Variants in SGF29 observed in about 807,000 individuals in gnomAD.
SGF29 encodes SAGA-associated factor 29.
A neutral mutation model predicts 38.1 loss-of-function variants in SGF29; 15 were observed. The ratio of observed to expected loss-of-function variants is 0.39; its 90% CI spans 0.26 to 0.61. SGF29 has a LOEUF of 0.61. SGF29 is among the 20% of genes least tolerant of loss of function. SGF29 has a pLI of 0.49. For synonymous variants in SGF29, 151 were observed against 160.8 expected (o/e 0.94, Z 0.46); for missense variants, 184 against 394.6 (o/e 0.47, Z 4.52).
chr16:28,575,976 C>T (rs753987245), intron 1 of SGF29, among the ~76,000 whole-genome samples: 15 of 152,130 alleles, frequency 9.9e-5, no homozygotes, highest in Non-Finnish European at 1.9e-4. Flanking sequence ...GTGACCCTGC[C>T]TCTGCCAAAA....
rs761721613 is a variant in SGF29, at chr16:28,590,729, AT to A, written c.603-43del. 2 of 1,614,066 alleles carry A rather than the reference AT, an allele frequency of 1.2e-6. No individual in the cohort carries two copies. The highest frequency in any genetic ancestry group is 2.2e-5 in the South Asian group (2 of 91,076). On this transcript the variant is annotated intron_variant, in intron 8 of 9. Coordinates refer to ENST00000317058, the MANE Select transcript of SGF29 (RefSeq NM_138414.3). The surrounding 1 kb of genome is among the most constrained non-coding windows in gnomAD (Gnocchi z 8.2). ...GGCAGCCTAACAGCTGAGAAGGAGC[AT>A]CCCCACCCGGCCACAGGTTGATATA...
At chr16:28,577,092 C>T (rs2046898797) in intron 1 of SGF29, among the ~76,000 whole-genome samples, 1 of 151,878 alleles carries the variant, frequency 6.6e-6, no homozygotes, top group South Asian at 2.1e-4. Flanking sequence ...CACTTGAACC[C>T]GGGAGGCGGA....
chr16:28,591,087 A>G, intron 9 of SGF29, 152 bp downstream of exon 9: 1 of 1,037,556 alleles, frequency 9.6e-7, no homozygotes, highest in Non-Finnish European at 1.4e-6. Flanking sequence ...CTTCCACTCC[A>G]GCCCCAAAGG....
chr16:28,587,864 A>G (rs1011073287), intron 4 of SGF29, among the ~76,000 whole-genome samples: 2 of 152,128 alleles, frequency 1.3e-5, no homozygotes, highest in African/African-American at 2.4e-5. Flanking sequence ...CAGTGACACA[A>G]TCTCGGCTCA....
intron 5 of SGF29, 84 bp downstream of exon 5, chr16:28,589,248 G>T: frequency 1.4e-6 from 2 of 1,435,512 alleles, no homozygotes; most frequent in Non-Finnish European, 2.0e-6. Context: ...TCCTGTGGGG[G>T]CCTGTGGCCA....
chr16:28,584,411 T>C (rs1283282007), intron 2 of SGF29, among the ~76,000 whole-genome samples: 1 of 151,940 alleles, frequency 6.6e-6, no homozygotes, highest in Non-Finnish European at 1.5e-5. Flanking sequence ...TTCCAGCACT[T>C]TGGGAAACCG....
chr16:28,561,546 C>CA (rs930168265), intron 1 of SGF29, among the ~76,000 whole-genome samples: 1 of 151,812 alleles, frequency 6.6e-6, no homozygotes, highest in East Asian at 1.9e-4. Context: ...AAACAAAAAA[C>CA]AAAAAAACAC....
intron 1 of SGF29, among the ~76,000 whole-genome samples, chr16:28,568,440 G>C (rs940356994): frequency 1.3e-5 from 2 of 151,998 alleles, no homozygotes; most frequent in Admixed American, 6.6e-5. Flanking sequence ...GAAAATGCCA[G>C]TGTATGACAT....
intron 1 of SGF29, among the ~76,000 whole-genome samples, chr16:28,560,322 G>A (rs1567284395): frequency 6.6e-6 from 1 of 151,496 alleles, no homozygotes; most frequent in Non-Finnish European, 1.5e-5. Context: ...CCGGCACAGT[G>A]GCTCACGCCT....
At chr16:28,579,931 CAAA>C (rs879412873) in intron 1 of SGF29, among the ~76,000 whole-genome samples, 1 of 137,508 alleles carries the variant, frequency 7.3e-6, no homozygotes, top group Non-Finnish European at 1.6e-5. Flanking sequence ...ACTCCCGTCT[CAAA>C]AAAAAAAAAA....
At chr16:28,580,750 G>A (rs111498956) in intron 1 of SGF29, among the ~76,000 whole-genome samples, 1 of 152,138 alleles carries the variant, frequency 6.6e-6, no homozygotes, top group African/African-American at 2.4e-5. Context: ...TGGCACGATC[G>A]TAGCTCATGC....
At chr16:28,578,990 T>G (rs988478000) in intron 1 of SGF29, among the ~76,000 whole-genome samples, 1 of 152,060 alleles carries the variant, frequency 6.6e-6, no homozygotes, top group Non-Finnish European at 1.5e-5. Context: ...TCTTGCTGTA[T>G]TGTCCAGGCT....
At position 28,573,491 on chromosome 16, in the gene SGF29, C is replaced by A. The variant is rs531958551; in HGVS notation, c.-15-7564C>A. Among the ~76,000 whole-genome samples the A allele has an allele frequency of 3.3e-5, 5 of 152,194 alleles. No homozygotes were observed. The South Asian group carries it at 1.0e-3, about 32-fold the overall frequency. ...ACAAGGAAGCAGCACCGGATCCCTG[C>A]ACAATTTAGGGAAGAAGTTTTGCCG... On this transcript the variant is annotated intron_variant, in intron 1 of 9. Coordinates refer to ENST00000317058, the MANE Select transcript of SGF29 (RefSeq NM_138414.3).
chr16:28,570,648 G>C (rs184809314), intron 1 of SGF29, among the ~76,000 whole-genome samples: 1 of 151,068 alleles, frequency 6.6e-6, no homozygotes, highest in Non-Finnish European at 1.5e-5. Flanking sequence ...GTGGGATCTC[G>C]GCTCACTGCA....
intron 1 of SGF29, among the ~76,000 whole-genome samples, chr16:28,579,362 A>G (rs2046912983): frequency 6.6e-6 from 1 of 150,396 alleles, no homozygotes; most frequent in African/African-American, 2.5e-5. Context: ...GGTTCAAGCA[A>G]TTCTCCTGCC....
At position 28,591,429 on chromosome 16, in the gene SGF29, A is replaced by T. The variant is rs57111085; in HGVS notation, c.766-161A>T. On this transcript the variant is annotated intron_variant, in intron 9 of 9. Coordinates refer to ENST00000317058, the MANE Select transcript of SGF29 (RefSeq NM_138414.3). ...GCCACTGAGAAAAGAGCTCTGTAGCAGCAGGGACTGGGCCAAGACTTCTTG... is the reference window on the plus strand; with the variant it reads ...GCCACTGAGAAAAGAGCTCTGTAGCTGCAGGGACTGGGCCAAGACTTCTTG... 5.8e-3 allele frequency among the ~76,000 whole-genome samples: 887 copies of T among 152,314 alleles called. 15 individuals are homozygous for T. The highest frequency in any genetic ancestry group is 0.02 in the African/African-American group (840 of 41,566).
intron 4 of SGF29, among the ~76,000 whole-genome samples, chr16:28,586,874 G>C (rs540867590): frequency 6.6e-6 from 1 of 152,246 alleles, no homozygotes; most frequent in East Asian, 1.9e-4. Flanking sequence ...TTAAGACAGG[G>C]TCTCAGTCTG....
chr16:28,577,891 A>G (rs918361342), intron 1 of SGF29, among the ~76,000 whole-genome samples: 3 of 152,198 alleles, frequency 2.0e-5, no homozygotes, highest in Non-Finnish European at 2.9e-5. Flanking sequence ...TTCTTTCCCC[A>G]CTAATTTGTC....
intron 2 of SGF29, among the ~76,000 whole-genome samples, chr16:28,583,756 T>C (rs907542364): frequency 6.6e-6 from 1 of 152,222 alleles, no homozygotes; most frequent in African/African-American, 2.4e-5. Flanking sequence ...TTGATCTATA[T>C]GCCAGTACCA....
Sources: gnomAD v4.1 joint callset for allele counts (sites outside exome capture counted in the v4.1 genomes callset) on GRCh38, gnomAD v4.1.1 for gene constraint, Gnocchi (gnomAD v3.1) non-coding constraint, MANE v1.5 for transcripts, NCBI Gene and HGNC (gene_info 2026-07-23, HGNC 2026-07-21) for gene names.